The following CDC73 variants were observed in gnomAD, a reference collection of about 807,000 sequenced individuals.
CDC73 encodes parafibromin.
In CDC73, 21 loss-of-function variants were observed where a neutral mutation model predicts 83.7. The ratio of observed to expected loss-of-function variants is 0.25; its 90% CI spans 0.18 to 0.36. CDC73 has a LOEUF of 0.36. Ranked by LOEUF, CDC73 falls within the 10% of genes least tolerant of loss-of-function variation. The pLI, the probability that CDC73 is intolerant of heterozygous loss-of-function variation, is 1.00. For missense variants in CDC73, 342 were observed against 653.3 expected (o/e 0.52, Z 5.19); for synonymous variants, 224 against 212.9 (o/e 1.05, Z -0.45).
chr1:193,166,237 A>G (rs1676432277), intron 10 of CDC73, among the ~76,000 whole-genome samples: 2 of 151,950 alleles, frequency 1.3e-5, no homozygotes, highest in Admixed American at 6.6e-5. Flanking sequence ...GTACAGTTAG[A>G]GCTCATTGCA....
chr1:193,148,639 ATTTTTTTTTTTTT>A (rs894987430), intron 8 of CDC73, among the ~76,000 whole-genome samples: 1 of 113,664 alleles, frequency 8.8e-6, no homozygotes, highest in South Asian at 2.7e-4. Flanking sequence ...AAAATTTATA[ATTTTTTTTTTTTT>A]TTTTTTTTTT....
At chr1:193,235,990 G>A (rs189884571) in intron 14 of CDC73, among the ~76,000 whole-genome samples, 18 of 152,278 alleles carry the variant, frequency 1.2e-4, no homozygotes, top group African/African-American at 2.9e-4. Flanking sequence ...GATTACATAC[G>A]AGTATTGTCC....
chr1:193,195,064 T>C (rs116201574), intron 10 of CDC73, among the ~76,000 whole-genome samples: 254 of 152,276 alleles, frequency 1.7e-3, no homozygotes, highest in African/African-American at 5.8e-3. Flanking sequence ...CACACAGGTA[T>C]GGAGTCTAAG....
At chr1:193,163,864 C>T (rs943626082) in intron 10 of CDC73, among the ~76,000 whole-genome samples, 12 of 152,044 alleles carry the variant, frequency 7.9e-5, no homozygotes, top group Admixed American at 5.2e-4. Flanking sequence ...CTGCAACCTC[C>T]GCTTCCCAGG....
rs1179736065 is a variant in CDC73 at position 193,252,531 on chromosome 1, A to G, written c.*1819A>G. ...AAATTAGGAACATCTACTTTGAATG[A>G]GGTTTATTTTTCTATTTTGAATTTG... On this transcript the variant is annotated 3_prime_UTR_variant, in exon 17 of 17. Transcript: ENST00000367435. The G allele has an allele frequency of 4.3e-6, 1 of 230,222 alleles. No homozygotes were observed. Among genetic ancestry groups the G allele is most frequent in the African/African-American group, 2.2e-5 (1 of 45,190 alleles). 14.3% of individuals were successfully genotyped at this position (230,222 alleles called of 1,614,324 possible).
intron 10 of CDC73, among the ~76,000 whole-genome samples, chr1:193,159,733 TATATA>T (rs1381960875): frequency 3.9e-5 from 6 of 152,202 alleles, no homozygotes; most frequent in African/African-American, 9.6e-5. Context: ...ATATTAAACA[TATATA>T]ATATTTTGTA....
intron 5 of CDC73, chr1:193,136,534 C>A (rs1336163185): frequency 7.6e-6 from 2 of 262,796 alleles, no homozygotes; most frequent in African/African-American, 2.3e-5. Flanking sequence ...ATAGTACTCC[C>A]AGAACTCATT....
At chr1:193,176,415 A>G (rs1017890872) in intron 10 of CDC73, among the ~76,000 whole-genome samples, 1 of 152,118 alleles carries the variant, frequency 6.6e-6, no homozygotes, top group Non-Finnish European at 1.5e-5. Context: ...TCTTTAGGAG[A>G]AGTTGTCCTT....
intron 10 of CDC73, among the ~76,000 whole-genome samples, chr1:193,164,397 T>C (rs10754051): frequency 0.32 from 49,034 of 152,018 alleles, 9,770 homozygotes; most frequent in South Asian, 0.59. Flanking sequence ...GTAATGTTAG[T>C]ATACCATGAG....
intron 1 of CDC73, among the ~76,000 whole-genome samples, chr1:193,123,867 G>C (rs1194615396): frequency 6.6e-6 from 1 of 152,192 alleles, no homozygotes; most frequent in Non-Finnish European, 1.5e-5. Flanking sequence ...AATAGCTTTT[G>C]AAGACAGCAG....
chr1:193,138,647 C>CA (rs2103124170), intron 6 of CDC73, among the ~76,000 whole-genome samples: 1 of 152,222 alleles, frequency 6.6e-6, no homozygotes, highest in Non-Finnish European at 1.5e-5. Flanking sequence ...TCCAGCTACT[C>CA]AAACTCTACT....
At chr1:193,163,149 G>GT (rs1376964458) in intron 10 of CDC73, among the ~76,000 whole-genome samples, 26 of 68,854 alleles carry the variant, frequency 3.8e-4, no homozygotes, top group African/African-American at 1.7e-3. Context: ...AACTTTGTGG[G>GT]GTTGTGTGTG....
intron 10 of CDC73, among the ~76,000 whole-genome samples, chr1:193,187,284 C>A (rs1044389340): frequency 6.6e-6 from 1 of 151,862 alleles, no homozygotes; most frequent in Non-Finnish European, 1.5e-5. Flanking sequence ...ATTTTTCCTT[C>A]CCTTTAAAAT....
intron 10 of CDC73, among the ~76,000 whole-genome samples, chr1:193,184,690 C>G (rs1431087986): frequency 6.6e-6 from 1 of 151,818 alleles, no homozygotes; most frequent in East Asian, 1.9e-4. Flanking sequence ...TTGGTGACTT[C>G]AATATTGAGA....
At chr1:193,122,374 T>C (rs1377161567) in intron 1 of CDC73, 43 bp downstream of exon 1, 1 of 1,613,236 alleles carries the variant, frequency 6.2e-7, no homozygotes, top group East Asian at 2.2e-5. Context: ...CAGGGCAGAG[T>C]TGGGCGCCCC....
chr1:193,157,782 A>G (rs1394759408), intron 10 of CDC73, among the ~76,000 whole-genome samples: 1 of 152,222 alleles, frequency 6.6e-6, no homozygotes, highest in Non-Finnish European at 1.5e-5. Context: ...AAATACAACA[A>G]ATATAAGGCT....
At chr1:193,223,825 G>A (rs1019056153) in intron 13 of CDC73, among the ~76,000 whole-genome samples, 2 of 150,630 alleles carry the variant, frequency 1.3e-5, no homozygotes, top group Non-Finnish European at 3.0e-5. Flanking sequence ...TATACCTTGC[G>A]CTAGCTCAGA....
chr1:193,178,559 C>T (rs975560879), intron 10 of CDC73, among the ~76,000 whole-genome samples: 5 of 152,172 alleles, frequency 3.3e-5, no homozygotes, highest in Non-Finnish European at 4.4e-5. Flanking sequence ...TTATTCTACA[C>T]TGAGGGAAGG....
intron 10 of CDC73, among the ~76,000 whole-genome samples, chr1:193,161,562 C>A (rs1275768864): frequency 1.6e-5 from 2 of 122,098 alleles, no homozygotes; most frequent in Non-Finnish European, 1.6e-5. Flanking sequence ...TATACACACG[C>A]ATATATATAT....
Sources: allele counts gnomAD v4.1 joint callset (sites outside exome capture counted in the v4.1 genomes callset), GRCh38; gene constraint gnomAD v4.1.1; transcripts MANE v1.5; gene names NCBI Gene and HGNC (gene_info 2026-07-23, HGNC 2026-07-21).